Variants in ZFPM2 observed in about 807,000 individuals in gnomAD.
ZFPM2 encodes the protein zinc finger protein, FOG family member 2, also known as zinc finger protein ZFPM2.
ZFPM2 carries 20 observed loss-of-function variants against 98.6 expected under a neutral mutation model. The observed-to-expected ratio is 0.20, with a 90% confidence interval of 0.14 to 0.29. The LOEUF is 0.29. Ranked by LOEUF, ZFPM2 falls within the 10% of genes least tolerant of loss-of-function variation. The pLI, the probability that ZFPM2 is intolerant of heterozygous loss-of-function variation, is 1.00. For missense variants in ZFPM2, 1,310 were observed against 1,388.6 expected (o/e 0.94, Z 0.90); for synonymous variants, 518 against 502.7 (o/e 1.03, Z -0.41).
In ZFPM2 at chr8:105,803,416, A is replaced by G. The variant is rs1554583419; in HGVS notation, c.3334A>G (p.Ser1112Gly). The change falls in exon 8 of 8, where the codon AGC becomes GGC. Residue 1112 changes from serine to glycine, a missense_variant. Transcript: ENST00000407775. ...SSIAKGVNGSSQAPTSGKYCR... is the reference protein window; with the variant it reads ...SSIAKGVNGSGQAPTSGKYCR... The stretch of plus-strand genomic sequence containing the variant: ...TATAGCAAAAGGTGTGAATGGTTCC[A>G]GCCAGGCTCCAACCAGTGGGAAATA... 6.2e-7 allele frequency: 1 copy of G among 1,613,916 alleles called. No homozygotes were observed. The highest frequency in any genetic ancestry group is 2.2e-5 in the East Asian group (1 of 44,864).
intron 3 of ZFPM2, among the ~76,000 whole-genome samples, chr8:105,546,009 A>G (rs1814689525): frequency 6.6e-6 from 1 of 152,102 alleles, no homozygotes; most frequent in Admixed American, 6.6e-5. Context: ...TGGCTTAGCT[A>G]TAAAGTAGGA....
At chr8:105,393,816 AATT>A (rs1428789436) in intron 1 of ZFPM2, among the ~76,000 whole-genome samples, 1 of 152,126 alleles carries the variant, frequency 6.6e-6, no homozygotes, top group Non-Finnish European at 1.5e-5. Context: ...TTTAGGTCAG[AATT>A]ATTATTCCTA....
chr8:105,719,286 A>G (rs1173983487), intron 5 of ZFPM2, among the ~76,000 whole-genome samples: 1 of 151,926 alleles, frequency 6.6e-6, no homozygotes, highest in East Asian at 1.9e-4. Flanking sequence ...TGTTAATTAC[A>G]TGGCAGTTAG....
intron 4 of ZFPM2, among the ~76,000 whole-genome samples, chr8:105,594,387 T>C (rs1815918136): frequency 6.6e-6 from 1 of 152,144 alleles, no homozygotes; most frequent in African/African-American, 2.4e-5. Context: ...TTTAATATGG[T>C]AGCACTGTTG....
In ZFPM2 at chr8:105,750,132, A is replaced by C. The variant is rs1332236015; in HGVS notation, c.533-38586A>C. On this transcript the variant is annotated intron_variant, in intron 5 of 7. Transcript: ENST00000407775. Reference sequence around the variant, plus strand: ...ATGTTACTTTGTGTTACTTTATTGAAATCTTCAAAAACTCCTGCAGACTGA... The same window carrying C: ...ATGTTACTTTGTGTTACTTTATTGACATCTTCAAAAACTCCTGCAGACTGA... Among the ~76,000 whole-genome samples, 3 of 152,176 alleles carry C rather than the reference A, an allele frequency of 2.0e-5. No individual in the cohort carries two copies. The East Asian group carries it at 5.8e-4, about 30-fold the overall frequency.
rs1002035261 is a variant in ZFPM2, at chr8:105,390,641, A to G, written c.41-28503A>G. Among the ~76,000 whole-genome samples the G allele has an allele frequency of 2.6e-5, 4 of 152,202 alleles. No homozygotes were observed. In the South Asian group the frequency reaches 8.3e-4, roughly 31 times the overall value. The stretch of plus-strand genomic sequence containing the variant: ...TACTTTGAAAGACAGAGACATTCCT[A>G]TCACTTGAGAAATTCCAAGGGCTTT... On this transcript the variant is annotated intron_variant, in intron 1 of 7. Coordinates refer to ENST00000407775, the MANE Select transcript of ZFPM2 (RefSeq NM_012082.4).
intron 5 of ZFPM2, among the ~76,000 whole-genome samples, chr8:105,764,293 C>CTG (rs1288697458): frequency 3.6e-5 from 3 of 84,416 alleles, no homozygotes; most frequent in East Asian, 5.9e-4. Context: ...CTCTGACACA[C>CTG]ACACACACAC....
chr8:105,484,634 A>G (rs1002496792), intron 3 of ZFPM2, among the ~76,000 whole-genome samples: 2 of 152,204 alleles, frequency 1.3e-5, no homozygotes, highest in Admixed American at 1.3e-4. Flanking sequence ...ATAGTGCCAC[A>G]CTGCCTGACA....
chr8:105,398,953 A>C (rs904762711), intron 1 of ZFPM2, among the ~76,000 whole-genome samples: 1 of 152,166 alleles, frequency 6.6e-6, no homozygotes, highest in Non-Finnish European at 1.5e-5. Flanking sequence ...ATTTGTTCTC[A>C]AACCTGAAGG....
chr8:105,678,277 T>C (rs1256473957), intron 5 of ZFPM2, among the ~76,000 whole-genome samples: 2 of 152,222 alleles, frequency 1.3e-5, no homozygotes, highest in African/African-American at 4.8e-5. Flanking sequence ...CCATGGAATC[T>C]ATCTAATCAG....
intron 3 of ZFPM2, among the ~76,000 whole-genome samples, chr8:105,472,937 T>C (rs1191855248): frequency 7.1e-6 from 1 of 140,090 alleles, no homozygotes; most frequent in Non-Finnish European, 1.5e-5. Context: ...ACTCTATCCC[T>C]CAGGATGGAA....
At chr8:105,507,473 C>G (rs1813727161) in intron 3 of ZFPM2, among the ~76,000 whole-genome samples, 1 of 152,156 alleles carries the variant, frequency 6.6e-6, no homozygotes, top group Non-Finnish European at 1.5e-5. Flanking sequence ...GTCACTTAAT[C>G]CAGTTGGGCC....
chr8:105,700,199 T>C (rs1241943682), intron 5 of ZFPM2, among the ~76,000 whole-genome samples: 1 of 152,218 alleles, frequency 6.6e-6, no homozygotes, highest in Non-Finnish European at 1.5e-5. Context: ...TCTGCCATAA[T>C]GCTACAGCAG....
At chr8:105,758,537 A>G (rs911961280) in intron 5 of ZFPM2, among the ~76,000 whole-genome samples, 2 of 152,292 alleles carry the variant, frequency 1.3e-5, no homozygotes, top group Non-Finnish European at 2.9e-5. Flanking sequence ...TAATGTAGCA[A>G]TAATGTTCTG....
intron 5 of ZFPM2, among the ~76,000 whole-genome samples, chr8:105,724,774 A>G (rs1490558614): frequency 1.3e-5 from 2 of 151,776 alleles, no homozygotes; most frequent in African/African-American, 4.8e-5. Context: ...TAGTAGATTT[A>G]TATATATTTT....
chr8:105,461,730 T>C (rs975638692), intron 3 of ZFPM2, among the ~76,000 whole-genome samples: 4 of 152,176 alleles, frequency 2.6e-5, no homozygotes, highest in Non-Finnish European at 4.4e-5. Flanking sequence ...GTTACTGTTA[T>C]AGGCATGAGA....
rs1586490300 is a variant in ZFPM2, at chr8:105,599,509, A to G, written c.421-34737A>G. Among the ~76,000 whole-genome samples the G allele has an allele frequency of 4.6e-5, 7 of 152,014 alleles. No individual in the cohort carries two copies. In the South Asian group the frequency reaches 1.5e-3, roughly 32 times the overall value. On this transcript the variant is annotated intron_variant, in intron 4 of 7. Transcript: ENST00000407775. ...GTTGTGTACATGAAATCCAGGGGTT[A>G]GAGCACCAAGCGTCACAAGCCAGTT...
At chr8:105,508,693 CT>C (rs1305641710) in intron 3 of ZFPM2, among the ~76,000 whole-genome samples, 2 of 151,926 alleles carry the variant, frequency 1.3e-5, no homozygotes, top group Non-Finnish European at 2.9e-5. Flanking sequence ...TTAAAGGAGC[CT>C]TATCTCGGGG....
At chr8:105,352,965 A>G (rs1456898194) in intron 1 of ZFPM2, among the ~76,000 whole-genome samples, 7 of 152,116 alleles carry the variant, frequency 4.6e-5, no homozygotes, top group Non-Finnish European at 1.0e-4. Flanking sequence ...TAGCACATCA[A>G]TATGTAAAAA....
Sources: gnomAD v4.1 joint callset for allele counts (sites outside exome capture counted in the v4.1 genomes callset) on GRCh38, gnomAD v4.1.1 for gene constraint, MANE v1.5 for transcripts, NCBI Gene and HGNC (gene_info 2026-07-23, HGNC 2026-07-21) for gene names.